DNAJC17: variants seen among roughly 807,000 people sequenced by gnomAD.
DNAJC17 encodes DnaJ heat shock protein family (Hsp40) member C17.
A neutral mutation model predicts 48.1 loss-of-function variants in DNAJC17; 35 were observed. The ratio of observed to expected loss-of-function variants is 0.73; its 90% CI spans 0.56 to 0.96. The LOEUF (loss-of-function observed/expected upper bound fraction) is 0.96, where lower values mean the gene tolerates loss of function less well. Among genes scored for constraint, DNAJC17 ranks in the 50% least tolerant of loss-of-function variants. DNAJC17 has a pLI of 0.00. For missense variants in DNAJC17, 355 were observed against 377.1 expected (o/e 0.94, Z 0.48); for synonymous variants, 117 against 142.7 (o/e 0.82, Z 1.28).
At chr15:40,807,136 G>A (rs1156680422) in intron 1 of DNAJC17, 6 of 1,057,536 alleles carry the variant, frequency 5.7e-6, no homozygotes, top group Non-Finnish European at 8.0e-6. Context: ...GGGGCCACGG[G>A]GAGAGCACAG....
chr15:40,803,906 C>A (rs12913619), intron 1 of DNAJC17, among the ~76,000 whole-genome samples: 3,221 of 152,250 alleles, frequency 0.021, 55 homozygotes, highest in Non-Finnish European at 0.034. Flanking sequence ...CCATCTGACC[C>A]CCTAGTGGCA....
At position 40,765,995 on chromosome 15, in the gene DNAJC17, C is replaced by T; in HGVS notation, c.*1945G>A. The T allele has an allele frequency of 8.7e-6, 6 of 689,244 alleles. No individual in the cohort carries two copies. The highest frequency in any genetic ancestry group is 1.4e-5 in the Non-Finnish European group (6 of 419,620). The allele number at this position is 689,244 out of a possible 1,614,324, so 42.7% of individuals were successfully genotyped here. On this transcript the variant is annotated 3_prime_UTR_variant, in exon 11 of 11. Coordinates refer to ENST00000220496, the MANE Select transcript of DNAJC17 (RefSeq NM_018163.3). ...TGCCTCTGCTCCCTTTATACAACCT[C>T]CAAGCCCAGGGACAGGGCCCAGCAT...
chr15:40,777,217 C>G (rs1044384977), intron 4 of DNAJC17, among the ~76,000 whole-genome samples: 3 of 152,000 alleles, frequency 2.0e-5, no homozygotes, highest in Admixed American at 2.0e-4. Context: ...TGTGAGAAAC[C>G]CTTCTCTTAG....
chr15:40,768,272 C>G (rs1889012019), intron 10 of DNAJC17, among the ~76,000 whole-genome samples: 1 of 152,228 alleles, frequency 6.6e-6, no homozygotes, highest in Non-Finnish European at 1.5e-5. Flanking sequence ...CCGGCTTCTA[C>G]CCAGCCAGCT....
At chr15:40,768,915 G>GGT (rs1344942045) in intron 10 of DNAJC17, among the ~76,000 whole-genome samples, 1 of 152,266 alleles carries the variant, frequency 6.6e-6, no homozygotes, top group East Asian at 1.9e-4. Flanking sequence ...TGCAAGATGC[G>GGT]GTGGCCTGCC....
In DNAJC17 at chr15:40,767,626, C is replaced by T; in HGVS notation, c.*314G>A. 1.7e-6 allele frequency: 1 copy of T among 578,820 alleles called. No individual in the cohort carries two copies. The allele number at this position is 578,820 out of a possible 1,614,324, so 35.9% of individuals were successfully genotyped here. A position where few individuals can be genotyped will look rare whatever the true frequency, so the allele number is the denominator to read the frequency against. Reference sequence around the variant, plus strand: ...GGCCATGTTCCTCGGGCAGCTGCCCCGGGCCGGAGCTGGGCACTCCAGCGG... The same window carrying T: ...GGCCATGTTCCTCGGGCAGCTGCCCTGGGCCGGAGCTGGGCACTCCAGCGG... On this transcript the variant is annotated 3_prime_UTR_variant, in exon 11 of 11. Transcript: ENST00000220496.
intron 1 of DNAJC17, among the ~76,000 whole-genome samples, chr15:40,800,836 G>A (rs1023457350): frequency 1.4e-4 from 22 of 151,840 alleles, no homozygotes; most frequent in African/African-American, 5.3e-4. Context: ...GCAGGAGCCT[G>A]TAATCTCGGC....
chr15:40,800,513 CAG>C (rs1272413025), intron 1 of DNAJC17, among the ~76,000 whole-genome samples: 1 of 149,058 alleles, frequency 6.7e-6, no homozygotes, highest in Non-Finnish European at 1.5e-5. Flanking sequence ...TTTTTACAGA[CAG>C]AGTTTCACTC....
At chr15:40,785,936 C>A (rs898759104) in intron 1 of DNAJC17, among the ~76,000 whole-genome samples, 1 of 152,214 alleles carries the variant, frequency 6.6e-6, no homozygotes, top group Non-Finnish European at 1.5e-5. Flanking sequence ...AACTGTTAAA[C>A]CTGCCCTGGG....
rs2141943854 is a variant in DNAJC17, at chr15:40,769,631, C to G, written c.793-1569G>C. Among the ~76,000 whole-genome samples, 1 of 152,348 alleles carries G rather than the reference C, an allele frequency of 6.6e-6. No homozygotes were observed. The highest frequency in any genetic ancestry group is 2.4e-5 in the African/African-American group (1 of 41,580). On this transcript the variant is annotated intron_variant, in intron 10 of 10. Transcript: ENST00000220496. This position sits in a 1 kb window ranked among gnomAD's most constrained non-coding sequence, Gnocchi z 4.2. ...GGGGCTGAGTCACCCATACCAGCTACAGGTCTCTTCCTTCCCCAACAATCG... is the reference window on the plus strand; with the variant it reads ...GGGGCTGAGTCACCCATACCAGCTAGAGGTCTCTTCCTTCCCCAACAATCG...
intron 1 of DNAJC17, among the ~76,000 whole-genome samples, chr15:40,795,934 C>G (rs747495824): frequency 1.2e-4 from 18 of 152,192 alleles, no homozygotes; most frequent in Non-Finnish European, 2.5e-4. Context: ...CTGCTCTGGG[C>G]AAGGCACCAA....
At chr15:40,792,438 T>TC in intron 1 of DNAJC17, 1 of 983,564 alleles carries the variant, frequency 1.0e-6, no homozygotes, top group Non-Finnish European at 1.2e-6. Flanking sequence ...ACATCTGGCT[T>TC]CCCCAGGTAA....
intron 1 of DNAJC17, among the ~76,000 whole-genome samples, chr15:40,782,428 TAGAA>T (rs1471230616): frequency 6.6e-6 from 1 of 151,826 alleles, no homozygotes; most frequent in Non-Finnish European, 1.5e-5. Flanking sequence ...CTTAAATACA[TAGAA>T]AGAAAGAAAC....
intron 1 of DNAJC17, among the ~76,000 whole-genome samples, chr15:40,800,868 G>A (rs57939773): frequency 6.7e-6 from 1 of 150,192 alleles, no homozygotes; most frequent in African/African-American, 2.5e-5. Flanking sequence ...CTGAAGCAGA[G>A]AATTGCTTGA....
chr15:40,779,816 C>T (rs1282214196), intron 2 of DNAJC17, 112 bp downstream of exon 2: 12 of 1,302,062 alleles, frequency 9.2e-6, no homozygotes, highest in African/African-American at 5.9e-5. Context: ...TTGCCTGGAG[C>T]CAGGCAATGT....
Position 40,767,209 on chromosome 15 carries a change from A to C in DNAJC17, c.*731T>G. ...CTGTGTGCCCCTCCTCACCCCCCCC[A>C]TCCTGTCTCTTTGCAGTTATGAATA... On this transcript the variant is annotated 3_prime_UTR_variant, in exon 11 of 11. Transcript: ENST00000220496. 2.0e-6 allele frequency: 3 copies of C among 1,486,256 alleles called. No homozygotes were observed. The highest frequency in any genetic ancestry group is 2.6e-5 in the East Asian group (1 of 37,790). 92.1% of individuals were successfully genotyped at this position (1,486,256 alleles called of 1,614,324 possible). A position where few individuals can be genotyped will look rare whatever the true frequency, so the allele number is the denominator to read the frequency against.
chr15:40,772,959 CTTTT>C (rs754542485), intron 10 of DNAJC17, among the ~76,000 whole-genome samples: 1 of 133,616 alleles, frequency 7.5e-6, no homozygotes, highest in Non-Finnish European at 1.6e-5. Flanking sequence ...AGAGTTCCTT[CTTTT>C]TTTTTTTTTT....
At position 40,767,200 on chromosome 15, in the gene DNAJC17, A is replaced by ACC. The variant is rs137970311; in HGVS notation, c.*738_*739dup. ...AGGAGCTTGCTGTGTGCCCCTCCTC[A>ACC]CCCCCCCCATCCTGTCTCTTTGCAG... On this transcript the variant is annotated 3_prime_UTR_variant, in exon 11 of 11. Transcript: ENST00000220496. 2.9e-5 allele frequency: 42 copies of ACC among 1,457,552 alleles called. No homozygotes were observed. In the African/African-American group the frequency reaches 5.0e-4, roughly 18 times the overall value. The allele number at this position is 1,457,552 out of a possible 1,614,324, so 90.3% of individuals were successfully genotyped here.
At chr15:40,792,507 G>C (rs1331187416) in intron 1 of DNAJC17, 2 of 985,404 alleles carry the variant, frequency 2.0e-6, no homozygotes, top group African/African-American at 1.7e-5. Context: ...GAAAGGTAAG[G>C]CTGCTACAGA....
Sources: gnomAD v4.1 joint callset for allele counts (sites outside exome capture counted in the v4.1 genomes callset) on GRCh38, gnomAD v4.1.1 for gene constraint, Gnocchi (gnomAD v3.1) non-coding constraint, MANE v1.5 for transcripts, NCBI Gene and HGNC (gene_info 2026-07-23, HGNC 2026-07-21) for gene names.